PTPRO: variants seen among roughly 807,000 people sequenced by gnomAD.
PTPRO encodes protein tyrosine phosphatase receptor type O.
In PTPRO, 62 loss-of-function variants were observed where a neutral mutation model predicts 145.2. The observed-to-expected ratio is 0.43, with a 90% CI of 0.35 to 0.53. The LOEUF is 0.53. Among genes scored for constraint, PTPRO ranks in the 20% least tolerant of loss-of-function variants. PTPRO has a pLI of 0.01. For missense variants in PTPRO, 1,345 were observed against 1,482.7 expected (o/e 0.91, Z 1.53); for synonymous variants, 565 against 514.7 (o/e 1.10, Z -1.32).
intron 12 of PTPRO, among the ~76,000 whole-genome samples, chr12:15,544,091 G>T (rs929890390): frequency 6.6e-6 from 1 of 152,158 alleles, no homozygotes; most frequent in Non-Finnish European, 1.5e-5. Flanking sequence ...TTAATCCGTT[G>T]TTGACAAAAT....
intron 1 of PTPRO, among the ~76,000 whole-genome samples, chr12:15,469,855 A>G (rs1941500843): frequency 6.6e-6 from 1 of 152,140 alleles, no homozygotes; most frequent in Non-Finnish European, 1.5e-5. Context: ...TTTTGTAGAA[A>G]CATTAGTTAC....
At chr12:15,505,232 T>C (rs545088645) in intron 6 of PTPRO, among the ~76,000 whole-genome samples, 1 of 152,364 alleles carries the variant, frequency 6.6e-6, no homozygotes, top group East Asian at 1.9e-4. Context: ...TCTGAATTCC[T>C]ATTCTGTCTC....
At chr12:15,490,976 C>T (rs1017612314) in intron 2 of PTPRO, among the ~76,000 whole-genome samples, 4 of 152,068 alleles carry the variant, frequency 2.6e-5, no homozygotes, top group African/African-American at 9.7e-5. Context: ...TTGAAATGTT[C>T]GAGGAAAGAA....
chr12:15,491,475 C>T (rs1005621969), intron 2 of PTPRO, among the ~76,000 whole-genome samples: 1 of 152,108 alleles, frequency 6.6e-6, no homozygotes. Flanking sequence ...TCAAAACTTT[C>T]CTATTCATGA....
At chr12:15,380,618 T>A (rs1449210251) in intron 1 of PTPRO, among the ~76,000 whole-genome samples, 1 of 152,214 alleles carries the variant, frequency 6.6e-6, no homozygotes, top group Non-Finnish European at 1.5e-5. Flanking sequence ...GGAATTTTGC[T>A]AGTGGCCCAC....
rs562388756 is a variant in PTPRO, at chr12:15,528,927, A to G, written c.2164+2665A>G. ...TATCCAGCAAAATTGTCCTTCAAAT[A>G]TGAAGGAAAGATAAAGTATTTCTCA... On this transcript the variant is annotated intron_variant, in intron 12 of 26. Coordinates refer to ENST00000281171, the MANE Select transcript of PTPRO (RefSeq NM_030667.3). Among the ~76,000 whole-genome samples, 3 of 152,322 alleles carry G rather than the reference A, an allele frequency of 2.0e-5. No homozygotes were observed. The South Asian group carries it at 6.2e-4, about 32-fold the overall frequency.
At chr12:15,464,069 T>C (rs1941362344) in intron 1 of PTPRO, among the ~76,000 whole-genome samples, 1 of 152,090 alleles carries the variant, frequency 6.6e-6, no homozygotes, top group Admixed American at 6.5e-5. Context: ...AAATTTTATA[T>C]ACAGAACTAA....
intron 8 of PTPRO, 61 bp from the exon 9 acceptor site, chr12:15,516,702 G>A (rs547039743): frequency 2.0e-5 from 29 of 1,433,914 alleles, no homozygotes; most frequent in African/African-American, 9.8e-5. Context: ...GAAGTTTGAG[G>A]CCATTGCTAA....
chr12:15,353,139 G>T (rs1937865485), intron 1 of PTPRO, among the ~76,000 whole-genome samples: 1 of 152,040 alleles, frequency 6.6e-6, no homozygotes, highest in African/African-American at 2.4e-5. Flanking sequence ...TTATGTGCAG[G>T]TTACAATATC....
intron 15 of PTPRO, among the ~76,000 whole-genome samples, chr12:15,557,090 G>C (rs536629512): frequency 6.6e-6 from 1 of 151,106 alleles, no homozygotes; most frequent in Non-Finnish European, 1.5e-5. Context: ...ACCCAGGCTG[G>C]AGTGCGGTGG....
intron 14 of PTPRO, 46 bp downstream of exon 14, chr12:15,549,272 T>C: frequency 1.5e-6 from 2 of 1,320,456 alleles, no homozygotes; most frequent in Non-Finnish European, 2.0e-6. Context: ...TTTTTGAATA[T>C]ATATATATAT....
intron 12 of PTPRO, among the ~76,000 whole-genome samples, chr12:15,527,479 A>C (rs981168402): frequency 3.3e-5 from 5 of 152,232 alleles, no homozygotes; most frequent in Non-Finnish European, 7.3e-5. Context: ...GATGAGATGG[A>C]ACTACCATTC....
intron 18 of PTPRO, among the ~76,000 whole-genome samples, chr12:15,568,295 T>C (rs1301506002): frequency 6.6e-6 from 1 of 152,056 alleles, no homozygotes; most frequent in Non-Finnish European, 1.5e-5. Flanking sequence ...CCAGGTGTGG[T>C]GGCACCTGCC....
chr12:15,464,991 C>A (rs1171951203), intron 1 of PTPRO, among the ~76,000 whole-genome samples: 2 of 152,004 alleles, frequency 1.3e-5, no homozygotes, highest in Admixed American at 1.3e-4. Flanking sequence ...TGGTAGCAAG[C>A]AATAAGAAAA....
intron 12 of PTPRO, among the ~76,000 whole-genome samples, chr12:15,543,178 G>C (rs1487650201): frequency 6.6e-6 from 1 of 152,166 alleles, no homozygotes; most frequent in African/African-American, 2.4e-5. Flanking sequence ...TTGACCTATA[G>C]AGCTGACATG....
At chr12:15,472,799 C>T (rs932989695) in intron 1 of PTPRO, among the ~76,000 whole-genome samples, 6 of 152,166 alleles carry the variant, frequency 3.9e-5, no homozygotes, top group Non-Finnish European at 8.8e-5. Context: ...TGAGTGTGAC[C>T]AGGACCTCAG....
At chr12:15,524,748 C>A in intron 10 of PTPRO, 66 bp from the exon 11 acceptor site, 1 of 1,516,454 alleles carries the variant, frequency 6.6e-7, no homozygotes, top group Non-Finnish European at 9.1e-7. Flanking sequence ...GGATTTCATG[C>A]TCTGCTGGTA....
At chr12:15,538,849 C>A (rs1034465356) in intron 12 of PTPRO, among the ~76,000 whole-genome samples, 10 of 152,160 alleles carry the variant, frequency 6.6e-5, no homozygotes, top group African/African-American at 1.7e-4. Context: ...CTTGCCCTCA[C>A]AAACAAATTG....
At chr12:15,357,763 T>C (rs1180257211) in intron 1 of PTPRO, among the ~76,000 whole-genome samples, 1 of 150,116 alleles carries the variant, frequency 6.7e-6, no homozygotes, top group Non-Finnish European at 1.5e-5. Context: ...TGTGGAGAAA[T>C]AGGAACACTT....
Sources: gnomAD v4.1 joint callset for allele counts (sites outside exome capture counted in the v4.1 genomes callset) on GRCh38, gnomAD v4.1.1 for gene constraint, MANE v1.5 for transcripts, NCBI Gene and HGNC (gene_info 2026-07-23, HGNC 2026-07-21) for gene names.